Variants in AIPL1 observed in about 807,000 individuals in gnomAD.
AIPL1 encodes the protein AIP like 1 HSP90 co-chaperone, also known as aryl-hydrocarbon-interacting protein-like 1.
A neutral mutation model predicts 32.9 loss-of-function variants in AIPL1; 23 were observed. The ratio of observed to expected loss-of-function variants is 0.70; its 90% CI spans 0.50 to 0.99. The LOEUF (loss-of-function observed/expected upper bound fraction) is 0.99, where lower values mean the gene tolerates loss of function less well. Among genes scored for constraint, AIPL1 ranks in the 50% least tolerant of loss-of-function variants. AIPL1 has a pLI of 0.00. For missense variants in AIPL1, 485 were observed against 506.0 expected, an observed-to-expected ratio of 0.96 and a Z score of 0.40; for synonymous variants, 210 against 209.4, an observed-to-expected ratio of 1.00 and a Z score of -0.02.
chr17:6,425,765 TGGCCTC>T lies in AIPL1; in HGVS notation c.844_849del (p.Glu282_Ala283del). On this transcript the variant is annotated inframe_deletion, in exon 6 of 6. Coordinates refer to ENST00000381129, the MANE Select transcript of AIPL1 (RefSeq NM_014336.5). ...TCCAGCACTTTCTGGAGGTCCGCCTTGGCCTCGGCCTCATTCCACACCTCTGCGTGA... is the reference window on the plus strand; with the variant it reads ...TCCAGCACTTTCTGGAGGTCCGCCTTGGCCTCATTCCACACCTCTGCGTGA... 6.2e-7 allele frequency: 1 copy of T among 1,607,100 alleles called. No homozygotes were observed. The highest frequency in any genetic ancestry group is 8.5e-7 in the Non-Finnish European group (1 of 1,179,990).
At chr17:6,432,175 G>A (rs1912664377) in intron 2 of AIPL1, among the ~76,000 whole-genome samples, 1 of 152,142 alleles carries the variant, frequency 6.6e-6, no homozygotes, top group Non-Finnish European at 1.5e-5. Flanking sequence ...ACAAGGTCAA[G>A]AGATCAAGAC....
At chr17:6,429,492 A>G (rs1912336431) in intron 2 of AIPL1, among the ~76,000 whole-genome samples, 2 of 152,174 alleles carry the variant, frequency 1.3e-5, no homozygotes, top group Non-Finnish European at 2.9e-5. Flanking sequence ...TTGGGATTAG[A>G]GCTGGACCAA....
chr17:6,425,587 G>C lies in AIPL1; in HGVS notation c.1028C>G (p.Pro343Arg). The C allele has an allele frequency of 6.2e-7, 1 of 1,613,428 alleles. No individual in the cohort carries two copies. The highest frequency in any genetic ancestry group is 8.5e-7 in the Non-Finnish European group (1 of 1,179,798). ...AGGTGGCTCTGTGGATGACTGTGCG[G>C]GTGGCTCTGTGGGTGGCTCTGCGGG... ...QPPAEPPTEP[P>R]AQSSTEPPAE... Residue 343 changes from proline to arginine, a missense_variant, in exon 6 of 6, where the codon CCC becomes CGC. Transcript: ENST00000381129.
At position 6,427,001 on chromosome 17, in the gene AIPL1, C is replaced by A. The variant is rs1912056146; in HGVS notation, c.522G>T (p.Lys174Asn). 1 of 1,614,128 alleles carries A rather than the reference C, an allele frequency of 6.2e-7. No individual in the cohort carries two copies. The highest frequency in any genetic ancestry group is 8.5e-7 in the Non-Finnish European group (1 of 1,180,056). The change falls in exon 4 of 6, where the codon AAG (lysine) becomes AAT (asparagine). Residue 174 changes from lysine (K) to asparagine (N), a missense_variant. Physicochemically the swap from Lys to Asn is moderately conservative, Grantham distance 94. Transcript: ENST00000381129. ...CGTGGAGGACGGGCACCGCCTTCATCTTCTCATGATTGCTCAGGTTCCAGG... is the reference window on the plus strand; with the variant it reads ...CGTGGAGGACGGGCACCGCCTTCATATTCTCATGATTGCTCAGGTTCCAGG... ...RETWNLSNHE[K>N]MKAVPVLHGE...
chr17:6,433,417 C>G (rs1329620167), intron 2 of AIPL1, among the ~76,000 whole-genome samples: 2 of 152,014 alleles, frequency 1.3e-5, no homozygotes, highest in Non-Finnish European at 1.5e-5. Context: ...GCCAACGTGG[C>G]AAAACTCTGT....
At chr17:6,432,652 G>C (rs746965118) in intron 2 of AIPL1, among the ~76,000 whole-genome samples, 46 of 143,722 alleles carry the variant, frequency 3.2e-4, no homozygotes, top group Non-Finnish European at 5.8e-4. Flanking sequence ...TTTTTTTTAA[G>C]ATGGAGTCTC....
In AIPL1 at chr17:6,423,850, A is replaced by T. The variant is rs1911657631; in HGVS notation, c.*1610T>A. 2.6e-5 allele frequency: 4 copies of T among 152,292 alleles called. No individual in the cohort carries two copies. The highest frequency in any genetic ancestry group is 2.6e-4 in the Admixed American group (4 of 15,290). The allele number at this position is 152,292 out of a possible 1,614,324, so 9.4% of individuals were successfully genotyped here. A position where few individuals can be genotyped will look rare whatever the true frequency, so the allele number is the denominator to read the frequency against. On this transcript the variant is annotated 3_prime_UTR_variant, in exon 6 of 6. Coordinates refer to ENST00000381129, the MANE Select transcript of AIPL1 (RefSeq NM_014336.5). ...AAGGTAGATGTTAACAACAAGGAAG[A>T]TGGAAAAGTAAAGTACATCAGAACT...
intron 2 of AIPL1, among the ~76,000 whole-genome samples, chr17:6,433,583 C>CCTCTCTCTCTCTCTCTCTCTCTCTCT (rs759954487): frequency 2.3e-5 from 1 of 43,692 alleles, no homozygotes; most frequent in African/African-American, 8.4e-5. Flanking sequence ...AGAGCGAGAC[C>CCTCTCTCTCTCTCTCTCTCTCTCTCT]CTATCTCTCT....
intron 2 of AIPL1, among the ~76,000 whole-genome samples, chr17:6,429,927 G>A (rs1040742528): frequency 3.3e-5 from 5 of 152,100 alleles, no homozygotes; most frequent in African/African-American, 7.2e-5. Context: ...GCATAGTGAC[G>A]GAAGACTGGA....
rs1567633901 is a variant in AIPL1 at position 6,425,308 on chromosome 17, T to TG, written c.*151_*152insC. 24 of 54,182 alleles carry TG rather than the reference T, an allele frequency of 4.4e-4. No homozygotes were observed. The highest frequency in any genetic ancestry group is 2.6e-3 in the Admixed American group (5 of 1,912). 3.4% of individuals were successfully genotyped at this position (54,182 alleles called of 1,614,324 possible). A position where few individuals can be genotyped will look rare whatever the true frequency, so the allele number is the denominator to read the frequency against. On this transcript the variant is annotated 3_prime_UTR_variant, in exon 6 of 6. Coordinates refer to ENST00000381129, the MANE Select transcript of AIPL1 (RefSeq NM_014336.5). Reference sequence around the variant, plus strand: ...AAGCTCTTCTGTACCCTTGGGATTGTTTTTTTTTTTTTTTTTACCATGGGT... The same window carrying TG: ...AAGCTCTTCTGTACCCTTGGGATTGTGTTTTTTTTTTTTTTTTACCATGGGT...
Position 6,426,611 on chromosome 17 carries a change from GCACCT to G in AIPL1, c.783_784+3del. On this transcript the variant is annotated splice_donor_variant and splice_donor_region_variant and coding_sequence_variant and intron_variant, in exon 5 of 6. Transcript: ENST00000381129. LOFTEE classifies it high-confidence loss of function. ...TCACTGTCCGCCCCTGCAGCCCCGC[GCACCT>G]GGGTGGTGCCGGAGAATATCACTGG... is the stretch of plus-strand genomic sequence containing the variant. 1 of 1,613,544 alleles carries G rather than the reference GCACCT, an allele frequency of 6.2e-7. No individual in the cohort carries two copies. Among genetic ancestry groups the G allele is most frequent in the Admixed American group, 1.7e-5 (1 of 60,016 alleles).
intron 2 of AIPL1, among the ~76,000 whole-genome samples, chr17:6,429,465 G>A (rs780661169): frequency 2.0e-5 from 3 of 152,244 alleles, no homozygotes; most frequent in Non-Finnish European, 4.4e-5. Context: ...GAGACAAGCA[G>A]ATGGCTGTTG....
chr17:6,425,599 G>A lies in AIPL1; in HGVS notation c.1016C>T (p.Pro339Leu). 4.3e-6 allele frequency: 7 copies of A among 1,613,372 alleles called. No homozygotes were observed. The highest frequency in any genetic ancestry group is 5.9e-6 in the Non-Finnish European group (7 of 1,179,818). ...GGATGACTGTGCGGGTGGCTCTGTG[G>A]GTGGCTCTGCGGGAGGCTGCGTGGC... is the stretch of plus-strand genomic sequence containing the variant. ...QGATQPPAEPPTEPPAQSSTE... is the reference protein window; with the variant it reads ...QGATQPPAEPLTEPPAQSSTE... The change falls in exon 6 of 6, where the codon CCC (proline) becomes CTC (leucine). Residue 339 changes from proline (P) to leucine (L), a missense_variant. Coordinates refer to ENST00000381129, the MANE Select transcript of AIPL1 (RefSeq NM_014336.5).
intron 2 of AIPL1, among the ~76,000 whole-genome samples, chr17:6,430,464 A>AAAAAC (rs1912488634): frequency 6.7e-6 from 1 of 148,874 alleles, no homozygotes; most frequent in Non-Finnish European, 1.5e-5. Context: ...CTCAAAAAAA[A>AAAAAC]AAAAAAAAAA....
At chr17:6,427,288 A>T (rs1912095726) in intron 3 of AIPL1, among the ~76,000 whole-genome samples, 1 of 152,240 alleles carries the variant, frequency 6.6e-6, no homozygotes, top group East Asian at 1.9e-4. Flanking sequence ...TCTAATATTC[A>T]GAAAATTGTC....
intron 2 of AIPL1, among the ~76,000 whole-genome samples, chr17:6,433,611 T>TCACACA (rs541117064): frequency 4.0e-4 from 43 of 106,300 alleles, no homozygotes; most frequent in Non-Finnish European, 6.7e-4. Context: ...TCTCTCTCTC[T>TCACACA]CACACACACA....
At position 6,425,554 on chromosome 17, in the gene AIPL1, G is replaced by A. The variant is rs766639726; in HGVS notation, c.1061C>T (p.Pro354Leu). Residue 354 changes from proline to leucine, a missense_variant, in exon 6 of 6, where the codon CCA becomes CTA. Physicochemically the swap from Pro to Leu is moderately conservative, Grantham distance 98 (BLOSUM62 -3). Transcript: ENST00000381129. ...CAGCTCTGCAGATGGTGCTGTGGGT[G>A]GCTCTGCAGGTGGCTCTGTGGATGA... ...AQSSTEPPAE[P>L]PTAPSAELSA... 3.1e-6 allele frequency: 5 copies of A among 1,610,890 alleles called. No homozygotes were observed. In the East Asian group the frequency reaches 1.1e-4, roughly 36 times the overall value.
Position 6,426,604 on chromosome 17 carries a change from GCC to G in AIPL1, c.784+9_784+10del. ...CGCCCCCTCACTGTCCGCCCCTGCA[GCC>G]CCGCGCACCTGGGTGGTGCCGGAGA... On this transcript the variant is annotated intron_variant, in intron 5 of 5. Coordinates refer to ENST00000381129, the MANE Select transcript of AIPL1 (RefSeq NM_014336.5). 6.2e-7 allele frequency: 1 copy of G among 1,612,914 alleles called. No homozygotes were observed. Among genetic ancestry groups the G allele is most frequent in the Admixed American group, 1.7e-5 (1 of 59,996 alleles).
chr17:6,424,161 C>T lies in AIPL1; in HGVS notation c.*1299G>A, dbSNP rs2150671267. The stretch of plus-strand genomic sequence containing the variant: ...TCAGACACAGAAGGAGGTCACCAGA[C>T]TGAGGCAGGCGGTGGAGCTTGGACA... On this transcript the variant is annotated 3_prime_UTR_variant, in exon 6 of 6. Transcript: ENST00000381129. 6.6e-6 allele frequency: 1 copy of T among 152,472 alleles called. No individual in the cohort carries two copies. The highest frequency in any genetic ancestry group is 1.9e-4 in the East Asian group (1 of 5,182). 9.4% of individuals were successfully genotyped at this position (152,472 alleles called of 1,614,324 possible). A position where few individuals can be genotyped will look rare whatever the true frequency, so the allele number is the denominator to read the frequency against.
Sources: allele counts gnomAD v4.1 joint callset (sites outside exome capture counted in the v4.1 genomes callset), GRCh38; gene constraint gnomAD v4.1.1; transcripts MANE v1.5; gene names NCBI Gene and HGNC (gene_info 2026-07-23, HGNC 2026-07-21).